The following PCOLCE variants were observed in gnomAD, a reference collection of about 807,000 sequenced individuals.
PCOLCE encodes procollagen C-endopeptidase enhancer 1.
PCOLCE carries 33 observed loss-of-function variants against 47.2 expected under a neutral mutation model. That is an observed-to-expected ratio of 0.70 (90% confidence interval 0.53 to 0.93). PCOLCE has a LOEUF of 0.93. Ranked by LOEUF, PCOLCE falls within the 40% of genes least tolerant of loss-of-function variation. PCOLCE has a pLI of 0.00. For synonymous variants in PCOLCE, 254 were observed against 252.5 expected, an observed-to-expected ratio of 1.01 and a Z score of -0.06; for missense variants, 584 against 585.3, an observed-to-expected ratio of 1.00 and a Z score of 0.02.
Position 100,605,162 on chromosome 7 carries a change from G to A in PCOLCE, c.535G>A (p.Asp179Asn). ...TLTTPNWPES[D>N]YPPGISCSWH... ...GACCACGCCCAACTGGCCCGAGTCC[G>A]ATTACCCCCCGGGCATCAGCTGTTC... The change falls in exon 4 of 9, where the codon GAT (aspartate) becomes AAT (asparagine). Residue 179 changes from aspartate (D) to asparagine (N), a missense_variant. By Grantham distance (23) the Asp-to-Asn change is conservative. Coordinates refer to ENST00000223061, the MANE Select transcript of PCOLCE (RefSeq NM_002593.4). The surrounding 1 kb of genome is among the most constrained non-coding windows in gnomAD (Gnocchi z 6.1). 1 of 1,612,856 alleles carries A rather than the reference G, an allele frequency of 6.2e-7. No individual in the cohort carries two copies. Among genetic ancestry groups the A allele is most frequent in the South Asian group, 1.1e-5 (1 of 91,024 alleles).
rs117595600 is a variant in PCOLCE, at chr7:100,608,080, C to T, written c.1327C>T (p.Arg443Trp). 9,830 of 1,613,744 alleles carry T rather than the reference C, an allele frequency of 6.1e-3. 40 individuals carry two copies. Among genetic ancestry groups the T allele is most frequent in the Middle Eastern group, 6.9e-3 (42 of 6,062 alleles). Residue 443 changes from arginine (R) to tryptophan (W), a missense_variant, in exon 9 of 9, where the codon CGG (arginine) becomes TGG (tryptophan). Transcript: ENST00000223061. ...SKRKCPSQPV[R>W]AAASQD ...GAGGAAGTGCCCCTCTCAACCTGTG[C>T]GGGCTGCTGCGTCCCAGGACTGAGA...
chr7:100,607,885 T>C, intron 8 of PCOLCE, 52 bp from the exon 9 acceptor site: 7 of 1,611,914 alleles, frequency 4.3e-6, no homozygotes, highest in Middle Eastern at 3.3e-4. Context: ...TCTTGAGACC[T>C]GCTGACAGGT....
Position 100,605,935 on chromosome 7 carries a change from G to A in PCOLCE, c.725+123G>A. On this transcript the variant is annotated intron_variant, in intron 5 of 8. Transcript: ENST00000223061. This position sits in a 1 kb window ranked among gnomAD's most constrained non-coding sequence, Gnocchi z 6.1. ...GAACCCCAGGGCTCCAAACCGGCGA[G>A]GGGAGCAGGTTGGAGGCCAGGCAAA... 1 of 1,160,642 alleles carries A rather than the reference G, an allele frequency of 8.6e-7. No individual in the cohort carries two copies. Among genetic ancestry groups the A allele is most frequent in the Non-Finnish European group, 1.2e-6 (1 of 833,126 alleles). The allele number at this position is 1,160,642 out of a possible 1,614,324, so 71.9% of individuals were successfully genotyped here.
Position 100,602,462 on chromosome 7 carries a change from G to A in PCOLCE, c.6G>A (p.Leu2=), listed in dbSNP as rs1199991175. 1 of 1,610,760 alleles carries A rather than the reference G, an allele frequency of 6.2e-7. No individual in the cohort carries two copies. Residue 2 remains leucine, a synonymous_variant, in exon 1 of 9, where the codon CTG becomes CTA. Coordinates refer to ENST00000223061, the MANE Select transcript of PCOLCE (RefSeq NM_002593.4). M[L]PAATASLLGP... ...AGCGCCTTTCCCCCGGGGCCATGCT[G>A]CCTGCAGCCACAGCCTCCCTCCTGG...
Position 100,605,515 on chromosome 7 carries a change from G to C in PCOLCE, c.589-161G>C, listed in dbSNP as rs1395067819. The stretch of plus-strand genomic sequence containing the variant: ...CCGACACCCCTGCAGGGTCCCATGG[G>C]TGTGTGTGGTCCTCCGTGCTGTGGT... On this transcript the variant is annotated intron_variant, in intron 4 of 8. Transcript: ENST00000223061. The surrounding 1 kb of genome is among the most constrained non-coding windows in gnomAD (Gnocchi z 6.1). 3.5e-6 allele frequency: 3 copies of C among 850,256 alleles called. No homozygotes were observed. The East Asian group carries it at 8.1e-5, about 23-fold the overall frequency. 52.7% of individuals were successfully genotyped at this position (850,256 alleles called of 1,614,324 possible). A position where few individuals can be genotyped will look rare whatever the true frequency, so the allele number is the denominator to read the frequency against.
At chr7:100,606,230 G>A (rs918744221) in intron 5 of PCOLCE, 186 bp from the exon 6 acceptor site, 1 of 573,990 alleles carries the variant, frequency 1.7e-6, no homozygotes, top group Admixed American at 3.1e-5. Context: ...TTGCGGGGCT[G>A]AGGCAGGAGG....
At chr7:100,602,809 C>T (rs1012523371) in intron 1 of PCOLCE, 20 of 541,838 alleles carry the variant, frequency 3.7e-5, no homozygotes, top group African/African-American at 3.4e-4. Flanking sequence ...ATCCTTGACC[C>T]CCCATAGAAC....
At position 100,605,130 on chromosome 7, in the gene PCOLCE, G is replaced by T. The variant is rs1225094011; in HGVS notation, c.503G>T (p.Gly168Val). 6.2e-7 allele frequency: 1 copy of T among 1,612,902 alleles called. No homozygotes were observed. Residue 168 changes from glycine to valine, a missense_variant, in exon 4 of 9, where the codon GGA (glycine) becomes GTA (valine). Transcript: ENST00000223061. This position sits in a 1 kb window ranked among gnomAD's most constrained non-coding sequence, Gnocchi z 6.1. ...FCGGRLEKAQ[G>V]TLTTPNWPES... ...GGGGGGCGGCTGGAGAAGGCCCAGGGAACCCTGACCACGCCCAACTGGCCC... is the reference window on the plus strand; with the variant it reads ...GGGGGGCGGCTGGAGAAGGCCCAGGTAACCCTGACCACGCCCAACTGGCCC...
In PCOLCE at chr7:100,606,401, G is replaced by A. The variant is rs775095299; in HGVS notation, c.726-15G>A. ...CGCCCTGACACTTCCCCCAATGCTC[G>A]GTGGCCACCTGCAGCTCCATCTCCT... is the stretch of plus-strand genomic sequence containing the variant. On this transcript the variant is annotated splice_polypyrimidine_tract_variant and intron_variant, in intron 5 of 8. Transcript: ENST00000223061. 25 of 1,605,200 alleles carry A rather than the reference G, an allele frequency of 1.6e-5. No homozygotes were observed. The highest frequency in any genetic ancestry group is 8.0e-5 in the African/African-American group (6 of 74,736).
At position 100,605,019 on chromosome 7, in the gene PCOLCE, G is replaced by A. The variant is rs1013230965; in HGVS notation, c.464-72G>A. The A allele has an allele frequency of 2.5e-6, 3 of 1,188,368 alleles. No individual in the cohort carries two copies. The highest frequency in any genetic ancestry group is 1.5e-5 in the African/African-American group (1 of 66,690). The allele number at this position is 1,188,368 out of a possible 1,614,324, so 73.6% of individuals were successfully genotyped here. A position where few individuals can be genotyped will look rare whatever the true frequency, so the allele number is the denominator to read the frequency against. ...TCCGAGCTGCCTGCCGGGGCTCCCA[G>A]CCTAGAGTTCTCCTGAAGCTGACCG... is the stretch of plus-strand genomic sequence containing the variant. On this transcript the variant is annotated intron_variant, in intron 3 of 8. Transcript: ENST00000223061. The surrounding 1 kb of genome is among the most constrained non-coding windows in gnomAD (Gnocchi z 6.1).
At chr7:100,607,090 C>CAAAAAAAAAAAAAAAA (rs559618495) in intron 6 of PCOLCE, among the ~76,000 whole-genome samples, 14 of 105,252 alleles carry the variant, frequency 1.3e-4, no homozygotes, top group African/African-American at 5.0e-4. Flanking sequence ...GATTCTGTCT[C>CAAAAAAAAAAAAAAAA]AAAAAAAAAA....
In PCOLCE at chr7:100,605,686, T is replaced by A. The variant is rs749134078; in HGVS notation, c.599T>A (p.Leu200Gln). The A allele has an allele frequency of 6.3e-7, 1 of 1,582,634 alleles. No homozygotes were observed. Among genetic ancestry groups the A allele is most frequent in the Non-Finnish European group, 8.6e-7 (1 of 1,164,746 alleles). Residue 200 changes from leucine to glutamine, a missense_variant, in exon 5 of 9, where the codon CTG (leucine) becomes CAG (glutamine). By Grantham distance (113) the Leu-to-Gln change is moderately radical (BLOSUM62 -2). Coordinates refer to ENST00000223061, the MANE Select transcript of PCOLCE (RefSeq NM_002593.4). The surrounding 1 kb of genome is among the most constrained non-coding windows in gnomAD (Gnocchi z 6.1). ...TCCGCCCGCCGCCAGGTCATCGCGC[T>A]GACCTTCGAGAAGTTTGACCTGGAG... ...IIAPPDQVIA[L>Q]TFEKFDLEPD...
At position 100,607,753 on chromosome 7, in the gene PCOLCE, G is replaced by T; in HGVS notation, c.1129G>T (p.Gly377Cys). 6.2e-7 allele frequency: 1 copy of T among 1,614,134 alleles called. No homozygotes were observed. Among genetic ancestry groups the T allele is most frequent in the Non-Finnish European group, 8.5e-7 (1 of 1,180,036 alleles). ...GGLDLPSPPTGASLKFYVPCK... is the reference protein window; with the variant it reads ...GGLDLPSPPTCASLKFYVPCK... Reference sequence around the variant, plus strand: ...ACTGGACCTGCCTTCTCCACCCACTGGTGCCTCCCTGAAGTTTTACGTGCC... The same window carrying T: ...ACTGGACCTGCCTTCTCCACCCACTTGTGCCTCCCTGAAGTTTTACGTGCC... The change falls in exon 8 of 9, where the codon GGT (glycine) becomes TGT (cysteine). Residue 377 changes from glycine to cysteine, a missense_variant. Transcript: ENST00000223061.
At chr7:100,607,400 G>C (rs1802735815) in intron 6 of PCOLCE, 52 bp from the exon 7 acceptor site, 4 of 1,424,214 alleles carry the variant, frequency 2.8e-6, no homozygotes, top group South Asian at 2.3e-5. Flanking sequence ...TATGGGGACA[G>C]TGCTCCCTCC....
intron 1 of PCOLCE, 108 bp from the exon 2 acceptor site, chr7:100,603,322 C>A: frequency 3.2e-6 from 2 of 627,066 alleles, no homozygotes; most frequent in East Asian, 3.0e-5. Flanking sequence ...ATTTCATCCC[C>A]CAGCTTCCCT....
Position 100,605,670 on chromosome 7 carries a change from C to G in PCOLCE, c.589-6C>G. 1 of 1,578,052 alleles carries G rather than the reference C, an allele frequency of 6.3e-7. No individual in the cohort carries two copies. Among genetic ancestry groups the G allele is most frequent in the Non-Finnish European group, 8.6e-7 (1 of 1,162,338 alleles). On this transcript the variant is annotated splice_polypyrimidine_tract_variant and splice_region_variant and intron_variant, in intron 4 of 8. Transcript: ENST00000223061. The surrounding 1 kb of genome is among the most constrained non-coding windows in gnomAD (Gnocchi z 6.1). ...CCGCGCAGTCCCCGCCTCCGCCCGC[C>G]GCCAGGTCATCGCGCTGACCTTCGA...
Position 100,605,839 on chromosome 7 carries a change from G to C in PCOLCE, c.725+27G>C. On this transcript the variant is annotated intron_variant, in intron 5 of 8. Coordinates refer to ENST00000223061, the MANE Select transcript of PCOLCE (RefSeq NM_002593.4). The surrounding 1 kb of genome is among the most constrained non-coding windows in gnomAD (Gnocchi z 6.1). ...TGAGGGGCGGGACCTGGGCGAGTCC[G>C]GGAGAGAGTCGGCGGACCGCACGCA... 6.5e-7 allele frequency: 1 copy of C among 1,545,738 alleles called. No homozygotes were observed. Among genetic ancestry groups the C allele is most frequent in the Non-Finnish European group, 8.7e-7 (1 of 1,143,302 alleles).
In PCOLCE at chr7:100,605,555, GA is replaced by G; in HGVS notation, c.589-120del. 8.0e-7 allele frequency: 1 copy of G among 1,256,336 alleles called. No homozygotes were observed. 77.8% of individuals were successfully genotyped at this position (1,256,336 alleles called of 1,614,324 possible). ...CGTGCTGTGGTGTGAACGCCTTCAG[GA>G]GGGGGGCCCAGAGGACGCGGGAGGT... is the stretch of plus-strand genomic sequence containing the variant. On this transcript the variant is annotated intron_variant, in intron 4 of 8. Coordinates refer to ENST00000223061, the MANE Select transcript of PCOLCE (RefSeq NM_002593.4). The surrounding 1 kb of genome is among the most constrained non-coding windows in gnomAD (Gnocchi z 6.1).
Position 100,606,419 on chromosome 7 carries a change from C to T in PCOLCE, c.729C>T (p.Ser243=). 6.2e-7 allele frequency: 1 copy of T among 1,612,986 alleles called. No homozygotes were observed. The highest frequency in any genetic ancestry group is 8.5e-7 in the Non-Finnish European group (1 of 1,179,074). Residue 243 remains serine (S), a synonymous_variant, in exon 6 of 9, where the codon TCC becomes TCT. Transcript: ENST00000223061. ...AATGCTCGGTGGCCACCTGCAGCTCCATCTCCTCCGAAGGGAATGAACTCC... is the reference window on the plus strand; with the variant it reads ...AATGCTCGGTGGCCACCTGCAGCTCTATCTCCTCCGAAGGGAATGAACTCC... ...GKFCGDAVPG[S]ISSEGNELLV...
Sources: allele counts gnomAD v4.1 joint callset (sites outside exome capture counted in the v4.1 genomes callset), GRCh38; gene constraint gnomAD v4.1.1; non-coding constraint Gnocchi (gnomAD v3.1); transcripts MANE v1.5; gene names NCBI Gene and HGNC (gene_info 2026-07-23, HGNC 2026-07-21).